CPNE4: variants seen among roughly 807,000 people sequenced by gnomAD.
CPNE4 encodes copine 4, also known as copine-4.
In CPNE4, 25 loss-of-function variants were observed where a neutral mutation model predicts 67.9. The ratio of observed to expected loss-of-function variants is 0.37; its 90% confidence interval spans 0.27 to 0.51. The LOEUF (loss-of-function observed/expected upper bound fraction) is 0.51, where lower values mean the gene tolerates loss of function less well. Among genes scored for constraint, CPNE4 ranks in the 20% least tolerant of loss-of-function variants. The pLI, the probability that CPNE4 is intolerant of heterozygous loss-of-function variation, is 0.93. For synonymous variants in CPNE4, 242 were observed against 244.9 expected, an observed-to-expected ratio of 0.99 and a Z score of 0.11; for missense variants, 464 against 690.8, an observed-to-expected ratio of 0.67 and a Z score of 3.68.
chr3:131,680,709 G>A (rs1031195957), intron 6 of CPNE4, among the ~76,000 whole-genome samples: 2 of 152,018 alleles, frequency 1.3e-5, no homozygotes, highest in Non-Finnish European at 2.9e-5. Context: ...GGGGGCAGGT[G>A]GTATTTGGTT....
At chr3:131,915,392 A>G (rs2089146496) in intron 1 of CPNE4, among the ~76,000 whole-genome samples, 1 of 152,180 alleles carries the variant, frequency 6.6e-6, no homozygotes, top group Non-Finnish European at 1.5e-5. Context: ...AAGTCACTCT[A>G]TATGTAATGG....
intron 7 of CPNE4, among the ~76,000 whole-genome samples, chr3:131,650,935 C>A (rs901722854): frequency 6.6e-6 from 1 of 152,012 alleles, no homozygotes; most frequent in African/African-American, 2.4e-5. Flanking sequence ...TTCCCACTTT[C>A]TCTTCCCACC....
At chr3:132,024,082 ATT>A (rs10584915) in intron 1 of CPNE4, among the ~76,000 whole-genome samples, 69,239 of 133,944 alleles carry the variant, frequency 0.52, 17,322 homozygotes, top group South Asian at 0.59. Context: ...GTCTTCAGTA[ATT>A]TTTTTTTTTT....
chr3:131,672,064 G>GAACATGTGA (rs1234293361), intron 6 of CPNE4, among the ~76,000 whole-genome samples: 1 of 152,104 alleles, frequency 6.6e-6, no homozygotes, highest in Non-Finnish European at 1.5e-5. Flanking sequence ...AAATAAGTGA[G>GAACATGTGA]AACATGTGAA....
intron 7 of CPNE4, among the ~76,000 whole-genome samples, chr3:131,589,503 C>T (rs951647926): frequency 6.6e-6 from 1 of 152,218 alleles, no homozygotes; most frequent in African/African-American, 2.4e-5. Context: ...GTGAGTCTTC[C>T]TCTCTCAGTC....
intron 2 of CPNE4, among the ~76,000 whole-genome samples, chr3:131,821,112 G>C (rs1477391589): frequency 6.6e-6 from 1 of 152,150 alleles, no homozygotes; most frequent in Non-Finnish European, 1.5e-5. Context: ...AGGAGGAGGA[G>C]GTTGGCTTAC....
intron 1 of CPNE4, among the ~76,000 whole-genome samples, chr3:131,984,050 A>G (rs1277533752): frequency 6.6e-6 from 1 of 152,222 alleles, no homozygotes; most frequent in Non-Finnish European, 1.5e-5. Context: ...GCTCCTATGT[A>G]GAGCTCAGCA....
At position 131,587,496 on chromosome 3, in the gene CPNE4, C is replaced by T. The variant is rs1938264571; in HGVS notation, c.768G>A (p.Met256Ile). ...GTTGACCATGTACCTGTTTCCCTTC[C>T]ATTGCTCCTCTCATCTCCTTGAATG... ...TSTFKEMRGA[M>I]EGKQVQWECI... is the part of the protein sequence containing the mutation. The change falls in exon 8 of 16, where the codon ATG (methionine) becomes ATA (isoleucine). Residue 256 changes from methionine (M) to isoleucine (I), a missense_variant. Coordinates refer to ENST00000429747, the MANE Select transcript of CPNE4 (RefSeq NM_130808.3). 6.2e-7 allele frequency: 1 copy of T among 1,613,478 alleles called. No individual in the cohort carries two copies. The highest frequency in any genetic ancestry group is 1.7e-5 in the Admixed American group (1 of 59,970).
intron 3 of CPNE4, among the ~76,000 whole-genome samples, chr3:131,715,977 G>A (rs746568456): frequency 1.2e-4 from 18 of 152,104 alleles, no homozygotes; most frequent in Admixed American, 5.2e-4. Flanking sequence ...ATGTCCTCGT[G>A]ATGCATCCCC....
chr3:131,707,790 C>A lies in CPNE4; in HGVS notation c.361-7810G>T, dbSNP rs115992057. On this transcript the variant is annotated intron_variant, in intron 3 of 15. Coordinates refer to ENST00000429747, the MANE Select transcript of CPNE4 (RefSeq NM_130808.3). ...GAGTTCCCTCTTACTCAAACCACTA[C>A]AAGGGCCACTGAACCAGCCCCCTAG... 1.9e-4 allele frequency among the ~76,000 whole-genome samples: 29 copies of A among 152,240 alleles called. No homozygotes were observed. In the South Asian group the frequency reaches 5.0e-3, roughly 26 times the overall value.
rs559937964 is a variant in CPNE4, at chr3:131,985,983, G to A, written c.-2+48584C>T. 5.8e-5 allele frequency: 9 copies of A among 154,248 alleles called. No individual in the cohort carries two copies. The South Asian group carries it at 1.6e-3, about 28-fold the overall frequency. 9.6% of individuals were successfully genotyped at this position (154,248 alleles called of 1,614,324 possible). ...CTAAGGGTTTTCAACCAAGATGGAT[G>A]GAAGAAATACGATAATTATATCCAT... is the stretch of plus-strand genomic sequence containing the variant. On this transcript the variant is annotated intron_variant, in intron 1 of 15. Coordinates refer to ENST00000429747, the MANE Select transcript of CPNE4 (RefSeq NM_130808.3).
chr3:131,769,237 T>C (rs915824461), intron 2 of CPNE4, among the ~76,000 whole-genome samples: 3 of 152,274 alleles, frequency 2.0e-5, no homozygotes, highest in Non-Finnish European at 2.9e-5. Context: ...ATCAATTTGC[T>C]ATACAAGTGA....
chr3:131,622,268 A>G (rs758135339), intron 7 of CPNE4, among the ~76,000 whole-genome samples: 1 of 151,982 alleles, frequency 6.6e-6, no homozygotes, highest in Non-Finnish European at 1.5e-5. Context: ...TTTACTCCCA[A>G]TTTTGATTTT....
chr3:131,643,168 A>T (rs971614600), intron 7 of CPNE4, among the ~76,000 whole-genome samples: 6 of 152,220 alleles, frequency 3.9e-5, no homozygotes, highest in Non-Finnish European at 7.3e-5. Context: ...ACTGGAATAA[A>T]GGTGATTTCT....
At chr3:131,856,616 A>G (rs964851161) in intron 2 of CPNE4, among the ~76,000 whole-genome samples, 1 of 152,024 alleles carries the variant, frequency 6.6e-6, no homozygotes, top group African/African-American at 2.4e-5. Context: ...TGGATGGGAA[A>G]CATGGTAAAT....
intron 2 of CPNE4, among the ~76,000 whole-genome samples, chr3:131,753,382 A>C (rs1560242317): frequency 6.6e-6 from 1 of 152,132 alleles, no homozygotes; most frequent in Non-Finnish European, 1.5e-5. Flanking sequence ...ATCATTCTTA[A>C]CTAAGTCTAG....
At chr3:131,919,105 G>A (rs2070668489) in intron 1 of CPNE4, among the ~76,000 whole-genome samples, 1 of 152,128 alleles carries the variant, frequency 6.6e-6, no homozygotes. Context: ...CTAAATAAAT[G>A]CCTGCTGGAT....
At chr3:132,025,483 A>G (rs997988409) in intron 1 of CPNE4, among the ~76,000 whole-genome samples, 6 of 152,178 alleles carry the variant, frequency 3.9e-5, no homozygotes, top group African/African-American at 1.4e-4. Context: ...GAGAGGAGGA[A>G]AGGGAGAAGA....
intron 5 of CPNE4, among the ~76,000 whole-genome samples, chr3:131,687,345 C>T (rs2080917323): frequency 6.6e-6 from 1 of 152,074 alleles, no homozygotes; most frequent in South Asian, 2.1e-4. Context: ...CAGCATTTTC[C>T]ATAGTGTCTA....
Sources: allele counts gnomAD v4.1 joint callset (sites outside exome capture counted in the v4.1 genomes callset), GRCh38; gene constraint gnomAD v4.1.1; transcripts MANE v1.5; gene names NCBI Gene and HGNC (gene_info 2026-07-23, HGNC 2026-07-21).